PLCE1: variants seen among roughly 807,000 people sequenced by gnomAD.
PLCE1 encodes the protein 1-phosphatidylinositol 4,5-bisphosphate phosphodiesterase epsilon-1.
Under a neutral mutation model 242.8 loss-of-function variants are expected in PLCE1, and 119 were observed. That is an observed-to-expected ratio of 0.49 (90% confidence interval 0.42 to 0.57). The LOEUF (loss-of-function observed/expected upper bound fraction) is 0.57. Among genes scored for constraint, PLCE1 ranks in the 20% least tolerant of loss-of-function variants. The pLI, the probability that PLCE1 is intolerant of heterozygous loss-of-function variation, is 0.00. For missense variants in PLCE1, 2,441 were observed against 2,788.8 expected, an observed-to-expected ratio of 0.88 and a Z score of 2.81; for synonymous variants, 945 against 1,017.4, an observed-to-expected ratio of 0.93 and a Z score of 1.35.
intron 13 of PLCE1, among the ~76,000 whole-genome samples, chr10:94,262,199 C>G (rs2051326520): frequency 6.6e-6 from 1 of 151,936 alleles, no homozygotes; most frequent in Admixed American, 6.6e-5. Flanking sequence ...CGGGGATTCA[C>G]CATGTTGGCC....
rs956764044 is a variant in PLCE1, at chr10:94,018,621, T to C, written c.-364-12062T>C. 2.6e-5 allele frequency among the ~76,000 whole-genome samples: 4 copies of C among 152,364 alleles called. No individual in the cohort carries two copies. The East Asian group carries it at 7.7e-4, about 29-fold the overall frequency. ...CTTTTGGTCTGTTGCACAATTAGTA[T>C]GCTTACAATTTAATGATTCTCTAAC... On this transcript the variant is annotated intron_variant, in intron 1 of 32. Coordinates refer to ENST00000371380, the MANE Select transcript of PLCE1 (RefSeq NM_016341.4).
intron 3 of PLCE1, among the ~76,000 whole-genome samples, chr10:94,133,195 G>A (rs1304692121): frequency 6.6e-6 from 1 of 152,064 alleles, no homozygotes; most frequent in Non-Finnish European, 1.5e-5. Flanking sequence ...GAATTAATAG[G>A]TGTCTATTGA....
intron 1 of PLCE1, among the ~76,000 whole-genome samples, chr10:94,007,113 A>G (rs1325719833): frequency 6.6e-6 from 1 of 151,952 alleles, no homozygotes; most frequent in Non-Finnish European, 1.5e-5. Context: ...TCTAGGGGAA[A>G]AAAGAGGTAC....
rs574619860 is a variant in PLCE1 at position 94,027,343 on chromosome 10, A to T, written c.-364-3340A>T. Among the ~76,000 whole-genome samples the T allele has an allele frequency of 4.6e-5, 7 of 152,278 alleles. No homozygotes were observed. In the East Asian group the frequency reaches 1.2e-3, roughly 25 times the overall value. On this transcript the variant is annotated intron_variant, in intron 1 of 32. Coordinates refer to ENST00000371380, the MANE Select transcript of PLCE1 (RefSeq NM_016341.4). ...AGATCCCTGCCTTATTTAATTGTGT[A>T]CTCAACAAATATTTGCTGAATAAAG...
At chr10:94,260,846 G>C (rs1367435367) in intron 13 of PLCE1, among the ~76,000 whole-genome samples, 2 of 151,958 alleles carry the variant, frequency 1.3e-5, no homozygotes, top group African/African-American at 4.8e-5. Context: ...TATTTTTAGA[G>C]CAATTTTAGG....
intron 3 of PLCE1, among the ~76,000 whole-genome samples, chr10:94,136,721 G>C (rs1181288621): frequency 6.6e-6 from 1 of 152,186 alleles, no homozygotes; most frequent in Non-Finnish European, 1.5e-5. Flanking sequence ...TCTGCCTTCA[G>C]TGCCACCAAA....
chr10:94,324,033 C>G (rs767218734), intron 30 of PLCE1, among the ~76,000 whole-genome samples: 1 of 152,164 alleles, frequency 6.6e-6, no homozygotes, highest in Non-Finnish European at 1.5e-5. Context: ...AAATCTGGTT[C>G]AGACCTTTAT....
At chr10:94,323,683 G>A (rs1280584999) in intron 30 of PLCE1, among the ~76,000 whole-genome samples, 1 of 152,152 alleles carries the variant, frequency 6.6e-6, no homozygotes, top group South Asian at 2.1e-4. Flanking sequence ...TGTTCTTACT[G>A]TATGATAACT....
intron 2 of PLCE1, among the ~76,000 whole-genome samples, chr10:94,066,162 C>A (rs910046709): frequency 6.6e-6 from 1 of 152,064 alleles, no homozygotes; most frequent in Non-Finnish European, 1.5e-5. Context: ...TGTTCTGCAG[C>A]AGCTAAAGGA....
In PLCE1 at chr10:94,171,194, C is replaced by T; in HGVS notation, c.1507C>T (p.Pro503Ser). 6.2e-7 allele frequency: 1 copy of T among 1,614,112 alleles called. No individual in the cohort carries two copies. Among genetic ancestry groups the T allele is most frequent in the African/African-American group, 1.3e-5 (1 of 75,026 alleles). The change falls in exon 4 of 33, where the codon CCC becomes TCC. Residue 503 changes from proline (P) to serine (S), a missense_variant. Coordinates refer to ENST00000371380, the MANE Select transcript of PLCE1 (RefSeq NM_016341.4). ...CTTTGTTTTAGAACGCCAGCCAGGC[C>T]CCTCTGTGGCCAATTCCAATGCCCT... Reference protein sequence around the residue: ...RMMLKERQPGPSVANSNALPS... With the variant: ...RMMLKERQPGSSVANSNALPS...
At chr10:94,129,784 CA>C (rs914460258) in intron 2 of PLCE1, among the ~76,000 whole-genome samples, 1 of 151,932 alleles carries the variant, frequency 6.6e-6, no homozygotes, top group African/African-American at 2.4e-5. Flanking sequence ...AAACAAAAAA[CA>C]AAAAAAAGCA....
At chr10:94,110,141 C>A (rs1342481316) in intron 2 of PLCE1, among the ~76,000 whole-genome samples, 1 of 134,762 alleles carries the variant, frequency 7.4e-6, no homozygotes, top group Non-Finnish European at 1.5e-5. Context: ...CTGCTCACTG[C>A]AAGGTCCACC....
chr10:94,204,161 C>A (rs540300949), intron 4 of PLCE1, among the ~76,000 whole-genome samples: 163 of 152,216 alleles, frequency 1.1e-3, no homozygotes, highest in African/African-American at 3.7e-3. Context: ...GAAACAGATG[C>A]TTCCATTGAT....
chr10:94,294,318 G>A (rs2052736451), intron 23 of PLCE1, among the ~76,000 whole-genome samples: 1 of 151,910 alleles, frequency 6.6e-6, no homozygotes. Flanking sequence ...ATAAATTCTT[G>A]TAGTTAAAAA....
intron 20 of PLCE1, 148 bp from the exon 21 acceptor site, chr10:94,283,642 A>G: frequency 1.2e-6 from 1 of 814,896 alleles, no homozygotes; most frequent in Non-Finnish European, 2.0e-6. Context: ...TTATGCTTCA[A>G]GCCATCATTT....
Position 94,279,798 on chromosome 10 carries a change from C to T in PLCE1, c.4682C>T (p.Ser1561Phe). The T allele has an allele frequency of 6.2e-7, 1 of 1,613,742 alleles. No homozygotes were observed. Among genetic ancestry groups the T allele is most frequent in the Non-Finnish European group, 8.5e-7 (1 of 1,179,752 alleles). ...ILKQKAHQLA[S>F]MQVQAYNGGN... ...ATTTTACAGGCTCATCAGTTAGCAT[C>T]TATGCAAGTGCAGGCTTATAATGGT... The change falls in exon 20 of 33, where the codon TCT (serine) becomes TTT (phenylalanine). Residue 1561 changes from serine (S) to phenylalanine (F), a missense_variant. Transcript: ENST00000371380.
chr10:94,165,230 G>C (rs1399120588), intron 3 of PLCE1, among the ~76,000 whole-genome samples: 1 of 152,186 alleles, frequency 6.6e-6, no homozygotes, highest in Admixed American at 6.5e-5. Context: ...CCCCAGAGGT[G>C]GAGTGTACAC....
chr10:94,069,918 C>T (rs7071168), intron 2 of PLCE1, among the ~76,000 whole-genome samples: 4,555 of 152,252 alleles, frequency 0.03, 191 homozygotes, highest in African/African-American at 0.085. Context: ...GCTCCAGTTC[C>T]GTTATTGGAA....
At chr10:94,122,689 G>T (rs575628116) in intron 2 of PLCE1, among the ~76,000 whole-genome samples, 1 of 152,164 alleles carries the variant, frequency 6.6e-6, no homozygotes, top group South Asian at 2.1e-4. Flanking sequence ...TGATAGGGAC[G>T]TAAGTGCTTG....
Sources: gnomAD v4.1 joint callset for allele counts (sites outside exome capture counted in the v4.1 genomes callset) on GRCh38, gnomAD v4.1.1 for gene constraint, MANE v1.5 for transcripts, NCBI Gene and HGNC (gene_info 2026-07-23, HGNC 2026-07-21) for gene names.